Variants in PAPPA observed in about 807,000 individuals in gnomAD.
PAPPA encodes pappalysin 1.
Under a neutral mutation model 164.0 loss-of-function variants are expected in PAPPA, and 60 were observed. The ratio of observed to expected loss-of-function variants is 0.37; its 90% CI spans 0.30 to 0.45. PAPPA has a LOEUF of 0.45. Among genes scored for constraint, PAPPA ranks in the 20% least tolerant of loss-of-function variants. PAPPA has a pLI of 1.00. For synonymous variants in PAPPA, 875 were observed against 814.1 expected (o/e 1.07, Z -1.27); for missense variants, 1,782 against 2,087.3 (o/e 0.85, Z 2.85).
At position 116,401,946 on chromosome 9, in the gene PAPPA, C is replaced by T. The variant is rs567636385; in HGVS notation, c.*5330C>T. 23 of 151,640 alleles carry T rather than the reference C, an allele frequency of 1.5e-4. No homozygotes were observed. Among genetic ancestry groups the T allele is most frequent in the East Asian group, 1.2e-3 (6 of 5,174 alleles). 9.4% of individuals were successfully genotyped at this position (151,640 alleles called of 1,614,324 possible). A position where few individuals can be genotyped will look rare whatever the true frequency, so the allele number is the denominator to read the frequency against. On this transcript the variant is annotated 3_prime_UTR_variant, in exon 22 of 22. Coordinates refer to ENST00000328252, the MANE Select transcript of PAPPA (RefSeq NM_002581.5). The stretch of plus-strand genomic sequence containing the variant: ...TCCAATCCTTTTTCTGTACCTCACG[C>T]GCATAAATTTGCTGCTCCTATTTTT...
intron 13 of PAPPA, among the ~76,000 whole-genome samples, chr9:116,336,756 T>C (rs1005151996): frequency 6.6e-6 from 1 of 152,212 alleles, no homozygotes; most frequent in Non-Finnish European, 1.5e-5. Flanking sequence ...ACTAATTATT[T>C]GACCTTGGAT....
At position 116,196,969 on chromosome 9, in the gene PAPPA, A is replaced by G. The variant is rs1844112941; in HGVS notation, c.1478+8753A>G. Among the ~76,000 whole-genome samples the G allele has an allele frequency of 2.6e-5, 4 of 152,198 alleles. No individual in the cohort carries two copies. The South Asian group carries it at 8.3e-4, about 31-fold the overall frequency. The stretch of plus-strand genomic sequence containing the variant: ...GCAATGATGATTATAACTCCACAAA[A>G]TCATGAAGTAAGAGAGATGCAAAGG... On this transcript the variant is annotated intron_variant, in intron 2 of 21. Transcript: ENST00000328252.
intron 1 of PAPPA, among the ~76,000 whole-genome samples, chr9:116,162,624 T>C (rs970814679): frequency 2.6e-5 from 4 of 152,206 alleles, no homozygotes; most frequent in African/African-American, 7.2e-5. Flanking sequence ...GTGCAGATAA[T>C]ACTAGCTGTT....
chr9:116,219,844 C>A, intron 4 of PAPPA, 93 bp from the exon 5 acceptor site: 1 of 1,040,902 alleles, frequency 9.6e-7, no homozygotes, highest in Non-Finnish European at 1.4e-6. Flanking sequence ...GACTTGGGTG[C>A]TGACTCTTGG....
rs1031730936 is a variant in PAPPA at position 116,400,750 on chromosome 9, T to C, written c.*4134T>C. Reference sequence around the variant, plus strand: ...TGTAACTTATTCAACTTTTGCCAAATTCCTACCAATCACTTGCTTTTTAAA... The same window carrying C: ...TGTAACTTATTCAACTTTTGCCAAACTCCTACCAATCACTTGCTTTTTAAA... On this transcript the variant is annotated 3_prime_UTR_variant, in exon 22 of 22. Coordinates refer to ENST00000328252, the MANE Select transcript of PAPPA (RefSeq NM_002581.5). 1.3e-5 allele frequency: 2 copies of C among 152,334 alleles called. No individual in the cohort carries two copies. The highest frequency in any genetic ancestry group is 2.9e-5 in the Non-Finnish European group (2 of 68,016). 9.4% of individuals were successfully genotyped at this position (152,334 alleles called of 1,614,324 possible). A position where few individuals can be genotyped will look rare whatever the true frequency, so the allele number is the denominator to read the frequency against.
At chr9:116,239,999 T>G (rs62574205) in intron 7 of PAPPA, among the ~76,000 whole-genome samples, 2,680 of 152,268 alleles carry the variant, frequency 0.018, 35 homozygotes, top group Middle Eastern at 0.068. Flanking sequence ...TTTTCTCCAC[T>G]TGGCTGTCAA....
chr9:116,199,426 TC>T (rs1844145092), intron 2 of PAPPA, among the ~76,000 whole-genome samples: 1 of 152,264 alleles, frequency 6.6e-6, no homozygotes, highest in South Asian at 2.1e-4. Context: ...TAACTCAGCA[TC>T]AGATTTTTCC....
At chr9:116,338,834 G>C (rs1465976088) in intron 13 of PAPPA, among the ~76,000 whole-genome samples, 1 of 152,202 alleles carries the variant, frequency 6.6e-6, no homozygotes, top group Non-Finnish European at 1.5e-5. Context: ...CCTTGGCAGT[G>C]CTTGAGATTA....
chr9:116,277,544 T>G (rs1482608120), intron 9 of PAPPA, among the ~76,000 whole-genome samples: 1 of 152,232 alleles, frequency 6.6e-6, no homozygotes, highest in African/African-American at 2.4e-5. Flanking sequence ...AAGTTCCTAC[T>G]TCTTAGAATT....
At position 116,362,603 on chromosome 9, in the gene PAPPA, C is replaced by T. The variant is rs769809763; in HGVS notation, c.4359C>T (p.Ser1453=). The change falls in exon 18 of 22, where the codon AGC becomes AGT. Residue 1453 remains serine (S), a synonymous_variant. Transcript: ENST00000328252. ...TCTCTGTTGTTCAGGGACTTGGGAG[C>T]AATGTCATTCATTGCCGGAAAGATG... is the stretch of plus-strand genomic sequence containing the variant. The part of the protein sequence containing the change: ...EDSDASQGLG[S]NVIHCRKDGT... The T allele has an allele frequency of 4.3e-6, 7 of 1,613,632 alleles. No individual in the cohort carries two copies. The Admixed American group carries it at 1.0e-4, about 23-fold the overall frequency.
At chr9:116,396,262 G>A (rs1846961514) in intron 21 of PAPPA, among the ~76,000 whole-genome samples, 1 of 152,190 alleles carries the variant, frequency 6.6e-6, no homozygotes, top group African/African-American at 2.4e-5. Context: ...GGAAATCACT[G>A]AGTACATTGC....
At chr9:116,297,166 T>A (rs923998204) in intron 9 of PAPPA, among the ~76,000 whole-genome samples, 1 of 152,132 alleles carries the variant, frequency 6.6e-6, no homozygotes, top group Admixed American at 6.5e-5. Context: ...AAAATGACCT[T>A]CTATAAGTAG....
chr9:116,381,019 A>G (rs999867579), intron 20 of PAPPA, among the ~76,000 whole-genome samples: 9 of 152,340 alleles, frequency 5.9e-5, no homozygotes, highest in Middle Eastern at 3.4e-3. Context: ...GACCCCAACC[A>G]GCACTTTAAT....
rs569662049 is a variant in PAPPA, at chr9:116,163,842, T to C, written c.415+9255T>C. Among the ~76,000 whole-genome samples, 12 of 152,250 alleles carry C rather than the reference T, an allele frequency of 7.9e-5. No homozygotes were observed. The South Asian group carries it at 2.5e-3, about 32-fold the overall frequency. ...ACTGCTCCATTGGTGGATACTCTTT[T>C]AGGACTTCCCAGAAAGCTTTGTGTC... is the stretch of plus-strand genomic sequence containing the variant. On this transcript the variant is annotated intron_variant, in intron 1 of 21. Transcript: ENST00000328252.
At chr9:116,201,735 A>T (rs889312656) in intron 2 of PAPPA, among the ~76,000 whole-genome samples, 1 of 152,350 alleles carries the variant, frequency 6.6e-6, no homozygotes, top group East Asian at 1.9e-4. Flanking sequence ...GTTGTCCAAG[A>T]TCACAGAGCC....
chr9:116,217,629 A>G (rs1844391311), intron 4 of PAPPA, among the ~76,000 whole-genome samples: 1 of 148,452 alleles, frequency 6.7e-6, no homozygotes, highest in Non-Finnish European at 1.5e-5. Flanking sequence ...TAACACTCAC[A>G]CATACATGAG....
intron 9 of PAPPA, among the ~76,000 whole-genome samples, chr9:116,284,545 CTTTTTTTTTTT>C (rs61248033): frequency 1.0e-4 from 9 of 88,240 alleles, no homozygotes; most frequent in African/African-American, 3.6e-4. Flanking sequence ...TAGTCTGGGC[CTTTTTTTTTTT>C]TTTTTTTTTT....
intron 2 of PAPPA, among the ~76,000 whole-genome samples, chr9:116,197,553 T>C (rs141806711): frequency 6.6e-6 from 1 of 152,354 alleles, no homozygotes; most frequent in East Asian, 1.9e-4. Flanking sequence ...CAAAAATCAA[T>C]TTGAATTTAT....
chr9:116,201,287 T>C (rs893850930), intron 2 of PAPPA, among the ~76,000 whole-genome samples: 6 of 152,244 alleles, frequency 3.9e-5, no homozygotes, highest in Non-Finnish European at 7.3e-5. Context: ...TTGATCTTTA[T>C]ATTTGATAAT....
Sources: gnomAD v4.1 joint callset for allele counts (sites outside exome capture counted in the v4.1 genomes callset) on GRCh38, gnomAD v4.1.1 for gene constraint, MANE v1.5 for transcripts, NCBI Gene and HGNC (gene_info 2026-07-23, HGNC 2026-07-21) for gene names.